The following EMC1 variants were observed in gnomAD, a reference collection of about 807,000 sequenced individuals.
EMC1 encodes the protein KIAA0090.
In EMC1, 103 loss-of-function variants were observed where a neutral mutation model predicts 128.8. That is an observed-to-expected ratio of 0.80 (90% CI 0.68 to 0.94). EMC1 has a LOEUF of 0.94. EMC1 is among the 40% of genes least tolerant of loss of function. The pLI is 0.00. For synonymous variants in EMC1, 442 were observed against 490.4 expected (o/e 0.90, Z 1.30); for missense variants, 1,083 against 1,250.6 (o/e 0.87, Z 2.02).
Position 19,216,242 on chromosome 1 carries a change from A to AAAAAAAAAAAAG in EMC1, c.*3060_*3061insCTTTTTTTTTTT, listed in dbSNP as rs1181628251. 6.5e-6 allele frequency: 1 copy of AAAAAAAAAAAAG among 153,238 alleles called. No individual in the cohort carries two copies. Among genetic ancestry groups the AAAAAAAAAAAAG allele is most frequent in the East Asian group, 1.9e-4 (1 of 5,206 alleles). The allele number at this position is 153,238 out of a possible 1,614,324, so 9.5% of individuals were successfully genotyped here. On this transcript the variant is annotated 3_prime_UTR_variant, in exon 23 of 23. Coordinates refer to ENST00000477853, the MANE Select transcript of EMC1 (RefSeq NM_015047.3). ...ACAGAGACCCTGCCTCCAAAAAAAA[A>AAAAAAAAAAAAG]GCAATTTATAAAGGCAGTGAAATTA... is the stretch of plus-strand genomic sequence containing the variant.
chr1:19,245,123 C>CA, intron 1 of EMC1, 93 bp from the exon 2 acceptor site: 1 of 1,414,946 alleles, frequency 7.1e-7, no homozygotes, highest in Non-Finnish European at 9.9e-7. Context: ...ATCACCATCA[C>CA]ATTCATTTTA....
chr1:19,248,740 G>A (rs1374701267), intron 1 of EMC1, among the ~76,000 whole-genome samples: 2 of 152,080 alleles, frequency 1.3e-5, no homozygotes. Flanking sequence ...TGAACTCCTG[G>A]ACTCAAGCCA....
intron 12 of EMC1, among the ~76,000 whole-genome samples, 181 bp downstream of exon 12, chr1:19,236,961 C>G (rs1289285726): frequency 9.0e-6 from 1 of 111,568 alleles, no homozygotes; most frequent in African/African-American, 3.7e-5. Flanking sequence ...GAGCAAGACT[C>G]TATCTCAAAA....
chr1:19,239,503 A>C (rs779430676), intron 8 of EMC1, among the ~76,000 whole-genome samples: 1 of 152,158 alleles, frequency 6.6e-6, no homozygotes, highest in Non-Finnish European at 1.5e-5. Context: ...CCTACCTCCA[A>C]CGCAGGCACA....
intron 17 of EMC1, among the ~76,000 whole-genome samples, chr1:19,228,343 G>A (rs1033288459): frequency 2.2e-4 from 33 of 152,140 alleles, no homozygotes; most frequent in African/African-American, 8.0e-4. Flanking sequence ...CTGTATACTG[G>A]GGCCAGCAGT....
At chr1:19,233,978 C>T (rs2093544117) in intron 13 of EMC1, among the ~76,000 whole-genome samples, 2 of 152,188 alleles carry the variant, frequency 1.3e-5, no homozygotes, top group Admixed American at 1.3e-4. Flanking sequence ...AGAACCTCTG[C>T]TTATCTTATT....
At chr1:19,240,095 C>A in intron 7 of EMC1, 110 bp from the exon 8 acceptor site, 1 of 1,254,362 alleles carries the variant, frequency 8.0e-7, no homozygotes, top group Non-Finnish European at 1.1e-6. Flanking sequence ...TGGGCCATGG[C>A]AGGTGGCTCC....
In EMC1 at chr1:19,220,579, T is replaced by TGGATACA. The variant is rs2093423830; in HGVS notation, c.2672+184_2672+185insTGTATCC. 3 of 475,572 alleles carry TGGATACA rather than the reference T, an allele frequency of 6.3e-6. No homozygotes were observed. In the Admixed American group the frequency reaches 1.1e-4, roughly 18 times the overall value. 29.5% of individuals were successfully genotyped at this position (475,572 alleles called of 1,614,324 possible). The stretch of plus-strand genomic sequence containing the variant: ...TATTTTACTTGTTTATCTTATGTAT[T>TGGATACA]TATTGTCCATTTCCCAGCAGACTGT... On this transcript the variant is annotated intron_variant, in intron 21 of 22. Coordinates refer to ENST00000477853, the MANE Select transcript of EMC1 (RefSeq NM_015047.3).
chr1:19,235,852 C>G (rs2093559293), intron 12 of EMC1, among the ~76,000 whole-genome samples: 1 of 152,012 alleles, frequency 6.6e-6, no homozygotes, highest in Non-Finnish European at 1.5e-5. Flanking sequence ...ATGATCACGC[C>G]ACTGTACTCC....
intron 7 of EMC1, 127 bp from the exon 8 acceptor site, chr1:19,240,112 TC>T: frequency 8.2e-7 from 1 of 1,219,694 alleles, no homozygotes; most frequent in Non-Finnish European, 1.1e-6. Context: ...CTCCAAATGC[TC>T]CAGTTCAAGT....
In EMC1 at chr1:19,244,729, A is replaced by G. The variant is rs185885832; in HGVS notation, c.220+177T>C. ...AGAACAAACCGCAAAGGTCAGTTAT[A>G]GGAACATACAAATATTCAAAGATGG... On this transcript the variant is annotated intron_variant, in intron 2 of 22. Coordinates refer to ENST00000477853, the MANE Select transcript of EMC1 (RefSeq NM_015047.3). The G allele has an allele frequency of 3.5e-5, 22 of 634,322 alleles. No individual in the cohort carries two copies. In the African/African-American group the frequency reaches 3.9e-4, roughly 11 times the overall value. 39.3% of individuals were successfully genotyped at this position (634,322 alleles called of 1,614,324 possible). A position where few individuals can be genotyped will look rare whatever the true frequency, so the allele number is the denominator to read the frequency against.
Position 19,227,308 on chromosome 1 carries a change from T to G in EMC1, c.2202+5A>C. ...GCTGTAGACCAGACAGCTGGCTGTA[T>G]GTACCTTGTAGAGCACACTGCGGTC... On this transcript the variant is annotated splice_donor_5th_base_variant and intron_variant, in intron 18 of 22. Transcript: ENST00000477853. The G allele has an allele frequency of 6.2e-7, 1 of 1,614,102 alleles. No homozygotes were observed. Among genetic ancestry groups the G allele is most frequent in the African/African-American group, 1.3e-5 (1 of 75,058 alleles).
At chr1:19,237,009 A>G in intron 12 of EMC1, 133 bp downstream of exon 12, 2 of 605,450 alleles carry the variant, frequency 3.3e-6, no homozygotes, top group East Asian at 2.9e-5. Context: ...ACATTTGGCT[A>G]TGAACGAAAC....
intron 13 of EMC1, 110 bp downstream of exon 13, chr1:19,235,020 G>T (rs2093552470): frequency 1.5e-6 from 2 of 1,312,598 alleles, no homozygotes; most frequent in African/African-American, 1.5e-5. Flanking sequence ...GAAAAGACTA[G>T]CAATCTGCCC....
chr1:19,242,592 C>T (rs1558111561), intron 4 of EMC1, 119 bp from the exon 5 acceptor site: 5 of 1,089,104 alleles, frequency 4.6e-6, no homozygotes, highest in East Asian at 2.5e-5. Context: ...TGGGGTCAAA[C>T]ACAGCTGGAT....
intron 1 of EMC1, among the ~76,000 whole-genome samples, chr1:19,246,675 G>C (rs954832767): frequency 6.6e-6 from 1 of 152,074 alleles, no homozygotes; most frequent in Non-Finnish European, 1.5e-5. Flanking sequence ...AGCTACTTGG[G>C]AGGCTAAGGC....
intron 18 of EMC1, among the ~76,000 whole-genome samples, chr1:19,226,219 C>T (rs2093472076): frequency 6.6e-6 from 1 of 152,222 alleles, no homozygotes; most frequent in South Asian, 2.1e-4. Context: ...TCACCTTAAT[C>T]TCCCTCTCTT....
At position 19,239,892 on chromosome 1, in the gene EMC1, G is replaced by T; in HGVS notation, c.880C>A (p.His294Asn). 1 of 1,614,174 alleles carries T rather than the reference G, an allele frequency of 6.2e-7. No homozygotes were observed. The highest frequency in any genetic ancestry group is 8.5e-7 in the Non-Finnish European group (1 of 1,180,024). ...VDASRAQFFL[H>N]LSPSHYALLQ... ...AGAGCATAGTGGCTTGGGGACAAGTGCAGGAAGAACTGGGCCCGGGAAGCG... is the reference window on the plus strand; with the variant it reads ...AGAGCATAGTGGCTTGGGGACAAGTTCAGGAAGAACTGGGCCCGGGAAGCG... The change falls in exon 8 of 23, where the codon CAC (histidine) becomes AAC (asparagine). Residue 294 changes from histidine to asparagine, a missense_variant. His to Asn is a moderately conservative substitution (Grantham distance 68). This residue lies in a region of EMC1 where 544 missense variants were observed against 572.4 expected (regional missense o/e 0.95). Coordinates refer to ENST00000477853, the MANE Select transcript of EMC1 (RefSeq NM_015047.3).
intron 21 of EMC1, 190 bp downstream of exon 21, chr1:19,220,574 T>C (rs1332709012): frequency 1.1e-5 from 5 of 465,398 alleles, no homozygotes; most frequent in Non-Finnish European, 1.5e-5. Context: ...GTTTATCTTA[T>C]GTATTTATTG....
Sources: allele counts gnomAD v4.1 joint callset (sites outside exome capture counted in the v4.1 genomes callset), GRCh38; gene constraint gnomAD v4.1.1; regional missense constraint gnomAD v4.1.1; transcripts MANE v1.5; gene names NCBI Gene and HGNC (gene_info 2026-07-23, HGNC 2026-07-21).